Variants in P3H2 observed in about 807,000 individuals in gnomAD.
P3H2 encodes the protein prolyl 3-hydroxylase 2.
Under a neutral mutation model 87.0 loss-of-function variants are expected in P3H2, and 80 were observed. That is an observed-to-expected ratio of 0.92 (90% CI 0.77 to 1.11). The LOEUF (loss-of-function observed/expected upper bound fraction) is 1.11, where lower values mean the gene tolerates loss of function less well. P3H2 is among the 50% of genes least tolerant of loss of function. The pLI is 0.00. For synonymous variants in P3H2, 367 were observed against 359.3 expected (o/e 1.02, Z -0.24); for missense variants, 1,001 against 923.9 (o/e 1.08, Z -1.08).
intron 1 of P3H2, among the ~76,000 whole-genome samples, chr3:190,119,249 C>CAGAGA (rs2108530290): frequency 6.7e-6 from 1 of 150,002 alleles, no homozygotes; most frequent in East Asian, 2.0e-4. Flanking sequence ...CAGAGCAGAG[C>CAGAGA]AGAGCAGCCT....
chr3:190,015,152 C>T (rs1461008824), intron 1 of P3H2, among the ~76,000 whole-genome samples: 1 of 152,152 alleles, frequency 6.6e-6, no homozygotes, highest in Non-Finnish European at 1.5e-5. Context: ...GCTGGGACCA[C>T]AGGTGTGCAC....
chr3:190,022,061 T>C (rs1724941140), intron 1 of P3H2, among the ~76,000 whole-genome samples: 1 of 135,372 alleles, frequency 7.4e-6, no homozygotes, highest in Non-Finnish European at 1.7e-5. Context: ...GAATGTACAA[T>C]GACATTAGCC....
In P3H2 at chr3:189,972,697, A is replaced by C. The variant is rs367606614; in HGVS notation, c.1699+177T>G. Among the ~76,000 whole-genome samples the C allele has an allele frequency of 2.2e-4, 34 of 152,314 alleles. No homozygotes were observed. The East Asian group carries it at 3.9e-3, about 17-fold the overall frequency. On this transcript the variant is annotated intron_variant, in intron 11 of 14. Coordinates refer to ENST00000319332, the MANE Select transcript of P3H2 (RefSeq NM_018192.4). ...GAACGAGGGTTTTCTGGAACTTCAG[A>C]AGAACAAAAGGAAGAAAAAGAAAGA...
At chr3:190,069,222 C>A (rs1726617403) in intron 1 of P3H2, among the ~76,000 whole-genome samples, 1 of 152,156 alleles carries the variant, frequency 6.6e-6, no homozygotes, top group African/African-American at 2.4e-5. Context: ...AAGAAAAAAT[C>A]TATGATGACA....
rs915726299 is a variant in P3H2, at chr3:189,994,533, G to A, written c.634-250C>T. On this transcript the variant is annotated intron_variant, in intron 2 of 14. Coordinates refer to ENST00000319332, the MANE Select transcript of P3H2 (RefSeq NM_018192.4). ...GATTGCTATGTGATCAGTCAATGTC[G>A]TTTTTTTCCTTAGCACATGCAAGAC... Among the ~76,000 whole-genome samples, 6 of 151,962 alleles carry A rather than the reference G, an allele frequency of 3.9e-5. No individual in the cohort carries two copies. In the South Asian group the frequency reaches 1.0e-3, roughly 26 times the overall value.
intron 5 of P3H2, 138 bp downstream of exon 5, chr3:189,987,389 G>T (rs974504326): frequency 1.1e-6 from 1 of 886,778 alleles, no homozygotes; most frequent in Non-Finnish European, 1.7e-6. Context: ...TGAGGCAGGA[G>T]AATCGCTTGA....
Position 189,957,710 on chromosome 3 carries a change from G to GAGAGAGAA in P3H2, c.*201_*202insTTCTCTCT. The GAGAGAGAA allele has an allele frequency of 1.7e-6, 1 of 599,020 alleles. No homozygotes were observed. The highest frequency in any genetic ancestry group is 2.9e-6 in the Non-Finnish European group (1 of 339,630). The allele number at this position is 599,020 out of a possible 1,614,324, so 37.1% of individuals were successfully genotyped here. On this transcript the variant is annotated 3_prime_UTR_variant, in exon 15 of 15. Transcript: ENST00000319332. ...GACCATGTCTCTAAGAAGAGAGAGA[G>GAGAGAGAA]AGAGAGAGAGAGAGAAAACAACCCA...
chr3:189,971,390 T>C lies in P3H2; in HGVS notation c.1818-499A>G, dbSNP rs1577246545. On this transcript the variant is annotated intron_variant, in intron 12 of 14. Transcript: ENST00000319332. ...GTACAGTGTAGTAAGGATGAACACATGGTGACTATAACTCCTGATTCCTTA... is the reference window on the plus strand; with the variant it reads ...GTACAGTGTAGTAAGGATGAACACACGGTGACTATAACTCCTGATTCCTTA... 5.9e-5 allele frequency among the ~76,000 whole-genome samples: 9 copies of C among 152,348 alleles called. No individual in the cohort carries two copies. In the South Asian group the frequency reaches 1.2e-3, roughly 21 times the overall value.
rs553173874 is a variant in P3H2 at position 189,973,585 on chromosome 3, G to A, written c.1548+324C>T. Among the ~76,000 whole-genome samples, 10 of 139,958 alleles carry A rather than the reference G, an allele frequency of 7.1e-5. No homozygotes were observed. The Middle Eastern group carries it at 0.011, about 160-fold the overall frequency. The allele number at this position is 139,958 out of a possible 152,430, so 91.8% of individuals were successfully genotyped here. A position where few individuals can be genotyped will look rare whatever the true frequency, so the allele number is the denominator to read the frequency against. On this transcript the variant is annotated intron_variant, in intron 10 of 14. Transcript: ENST00000319332. ...CCAGGCCAGGCTGGAGTGCAGTGGC[G>A]CGATCTCGGCTCACCGCAACCTCTG...
intron 1 of P3H2, among the ~76,000 whole-genome samples, chr3:190,071,771 G>A (rs2108973301): frequency 6.6e-6 from 1 of 152,184 alleles, no homozygotes; most frequent in South Asian, 2.1e-4. Flanking sequence ...TAAGTCTGTT[G>A]ATCTCAGCTA....
intron 1 of P3H2, among the ~76,000 whole-genome samples, chr3:190,038,595 G>A (rs1294171980): frequency 3.3e-5 from 5 of 151,718 alleles, no homozygotes; most frequent in African/African-American, 9.7e-5. Flanking sequence ...AAGCTCCAGG[G>A]ATGAAATAAG....
intron 8 of P3H2, among the ~76,000 whole-genome samples, chr3:189,976,796 T>A (rs1275367633): frequency 6.6e-6 from 1 of 152,216 alleles, no homozygotes; most frequent in Non-Finnish European, 1.5e-5. Flanking sequence ...AAAATTGTGA[T>A]TAAAATTTAT....
intron 1 of P3H2, among the ~76,000 whole-genome samples, chr3:190,077,226 C>T (rs905424224): frequency 1.3e-5 from 2 of 152,182 alleles, no homozygotes; most frequent in African/African-American, 4.8e-5. Flanking sequence ...GACAGCAGAC[C>T]TGGTCTCCTA....
chr3:190,070,689 C>G (rs1260991236), intron 1 of P3H2, among the ~76,000 whole-genome samples: 1 of 152,142 alleles, frequency 6.6e-6, no homozygotes, highest in African/African-American at 2.4e-5. Context: ...ACTAACAATC[C>G]ATATGAACAG....
chr3:190,008,055 G>A (rs1371411502), intron 1 of P3H2, among the ~76,000 whole-genome samples: 1 of 149,522 alleles, frequency 6.7e-6, no homozygotes, highest in African/African-American at 2.5e-5. Context: ...CCAGAATCCC[G>A]AATGCAGATA....
intron 1 of P3H2, among the ~76,000 whole-genome samples, chr3:190,019,564 C>CACCTAGGGGTCATAG (rs1350613662): frequency 3.7e-5 from 5 of 135,800 alleles, no homozygotes; most frequent in African/African-American, 7.6e-5. Flanking sequence ...TGCTCATTAT[C>CACCTAGGGGTCATAG]GTTTCTATTA....
chr3:190,036,776 C>A (rs1725438169), intron 1 of P3H2, among the ~76,000 whole-genome samples: 1 of 152,164 alleles, frequency 6.6e-6, no homozygotes, highest in African/African-American at 2.4e-5. Context: ...ACCCTCTGCT[C>A]TGCCCTTGAG....
chr3:189,969,871 G>T, intron 13 of P3H2: 1 of 1,301,144 alleles, frequency 7.7e-7, no homozygotes, highest in Non-Finnish European at 1.1e-6. Flanking sequence ...TGTCCGCACA[G>T]GAAAGGAAGC....
chr3:190,065,714 T>C (rs1042913233), intron 1 of P3H2, among the ~76,000 whole-genome samples: 1 of 152,188 alleles, frequency 6.6e-6, no homozygotes, highest in Non-Finnish European at 1.5e-5. Flanking sequence ...TCTGCCTCTG[T>C]TACCAAGATA....
Sources: gnomAD v4.1 joint callset for allele counts (sites outside exome capture counted in the v4.1 genomes callset) on GRCh38, gnomAD v4.1.1 for gene constraint, MANE v1.5 for transcripts, NCBI Gene and HGNC (gene_info 2026-07-23, HGNC 2026-07-21) for gene names.